Variants in AGBL1 observed in about 807,000 individuals in gnomAD.
The protein encoded by AGBL1 is cytosolic carboxypeptidase 4.
Under a neutral mutation model 118.9 loss-of-function variants are expected in AGBL1, and 130 were observed. That is an observed-to-expected ratio of 1.09 (90% confidence interval 0.95 to 1.26). The LOEUF is 1.26. Ranked by LOEUF, AGBL1 falls within the 50% of genes most tolerant of loss-of-function variation. AGBL1 has a pLI of 0.00. For missense variants in AGBL1, 1,584 were observed against 1,298.1 expected, an observed-to-expected ratio of 1.22 and a Z score of -3.38; for synonymous variants, 555 against 478.9, an observed-to-expected ratio of 1.16 and a Z score of -2.08.
intron 22 of AGBL1, among the ~76,000 whole-genome samples, chr15:86,722,536 C>T (rs1194955952): frequency 6.6e-6 from 1 of 152,092 alleles, no homozygotes; most frequent in Non-Finnish European, 1.5e-5. Flanking sequence ...AAATGTTAGA[C>T]CTAAAACCAT....
intron 18 of AGBL1, among the ~76,000 whole-genome samples, chr15:86,520,175 T>A (rs2083169347): frequency 6.6e-6 from 1 of 152,194 alleles, no homozygotes; most frequent in South Asian, 2.1e-4. Context: ...GTCAAAGTTG[T>A]GCTATGCATC....
chr15:86,963,006 G>A (rs1416637966), intron 23 of AGBL1, among the ~76,000 whole-genome samples: 1 of 152,016 alleles, frequency 6.6e-6, no homozygotes, highest in African/African-American at 2.4e-5. Flanking sequence ...AAAACGTGAC[G>A]ATTAAAACGT....
rs1358267913 is a variant in AGBL1 at position 86,278,322 on chromosome 15, T to C, written c.2076-1317T>C. ...CTTATGTTGTTACAGGGTACCCTCC[T>C]TTCCCTAGCATGACCAAGGCTCCAG... On this transcript the variant is annotated intron_variant, in intron 15 of 22. Transcript: ENST00000614907. Among the ~76,000 whole-genome samples, 4 of 152,182 alleles carry C rather than the reference T, an allele frequency of 2.6e-5. No homozygotes were observed. In the East Asian group the frequency reaches 7.7e-4, roughly 29 times the overall value.
chr15:87,006,077 A>G (rs1181122837), intron 24 of AGBL1, among the ~76,000 whole-genome samples: 2 of 152,292 alleles, frequency 1.3e-5, no homozygotes, highest in East Asian at 3.9e-4. Flanking sequence ...AAGAGTACCC[A>G]GCCGTTTGAG....
At chr15:86,475,264 T>C (rs145125203) in intron 18 of AGBL1, among the ~76,000 whole-genome samples, 1 of 152,148 alleles carries the variant, frequency 6.6e-6, no homozygotes, top group Non-Finnish European at 1.5e-5. Context: ...CTTCAGACGA[T>C]TAAACTTCTC....
At chr15:87,016,730 C>A (rs1408715955) in intron 24 of AGBL1, among the ~76,000 whole-genome samples, 1 of 152,054 alleles carries the variant, frequency 6.6e-6, no homozygotes, top group Non-Finnish European at 1.5e-5. Flanking sequence ...CTAGGAGTGG[C>A]ATAGAGCCAA....
At chr15:86,514,267 C>A (rs2083090372) in intron 18 of AGBL1, among the ~76,000 whole-genome samples, 1 of 151,870 alleles carries the variant, frequency 6.6e-6, no homozygotes, top group Admixed American at 6.6e-5. Context: ...ATTTGTAATT[C>A]CTTTCTGTAA....
chr15:86,795,279 G>A (rs1408020605), intron 22 of AGBL1, among the ~76,000 whole-genome samples: 1 of 152,166 alleles, frequency 6.6e-6, no homozygotes, highest in Admixed American at 6.5e-5. Flanking sequence ...TGCCTGGACG[G>A]AGGCTGATTG....
At chr15:86,167,852 T>G (rs768639825) in intron 5 of AGBL1, among the ~76,000 whole-genome samples, 1 of 152,236 alleles carries the variant, frequency 6.6e-6, no homozygotes, top group Non-Finnish European at 1.5e-5. Flanking sequence ...TAAGTTCAAT[T>G]ATAGTGCTAT....
intron 21 of AGBL1, among the ~76,000 whole-genome samples, chr15:86,576,341 T>C (rs2084091632): frequency 1.3e-5 from 2 of 151,950 alleles, no homozygotes; most frequent in Admixed American, 1.3e-4. Flanking sequence ...CAAACCAGAA[T>C]GGATTCGGAG....
At chr15:86,216,408 C>T (rs939414213) in intron 5 of AGBL1, among the ~76,000 whole-genome samples, 1 of 152,092 alleles carries the variant, frequency 6.6e-6, no homozygotes, top group African/African-American at 2.4e-5. Context: ...TTCTATAGGC[C>T]ACTTTATCAG....
rs562016596 is a variant in AGBL1, at chr15:86,484,785, C to T, written c.2556-38025C>T. 1.2e-4 allele frequency among the ~76,000 whole-genome samples: 19 copies of T among 152,160 alleles called. No homozygotes were observed. The South Asian group carries it at 3.1e-3, about 25-fold the overall frequency. ...CTTCCAAATCTGCAGCTGTATTGTT[C>T]GACTGAGATGAATTCTAGAGAACTG... On this transcript the variant is annotated intron_variant, in intron 18 of 22. Coordinates refer to ENST00000614907, the MANE Select transcript of AGBL1 (RefSeq NM_001386094.1).
chr15:86,770,195 C>A (rs76525362), intron 22 of AGBL1, among the ~76,000 whole-genome samples: 1 of 151,822 alleles, frequency 6.6e-6, no homozygotes, highest in Non-Finnish European at 1.5e-5. Flanking sequence ...ATGTATCTGG[C>A]GCTATAGTTA....
intron 16 of AGBL1, among the ~76,000 whole-genome samples, chr15:86,287,642 A>G (rs1294406471): frequency 6.6e-6 from 1 of 152,178 alleles, no homozygotes; most frequent in Non-Finnish European, 1.5e-5. Context: ...GTCAAAAATC[A>G]ATTGACTATA....
chr15:86,464,004 A>T (rs2082365565), intron 18 of AGBL1, among the ~76,000 whole-genome samples: 1 of 152,162 alleles, frequency 6.6e-6, no homozygotes. Context: ...TGATGGGAAT[A>T]GCATTGAATC....
chr15:86,232,054 G>A (rs896619722), intron 6 of AGBL1, among the ~76,000 whole-genome samples: 3 of 152,184 alleles, frequency 2.0e-5, no homozygotes, highest in Non-Finnish European at 4.4e-5. Flanking sequence ...TGAATGGTGG[G>A]GTGAGAGAGA....
At chr15:86,394,567 CT>C (rs2081335661) in intron 17 of AGBL1, among the ~76,000 whole-genome samples, 1 of 152,130 alleles carries the variant, frequency 6.6e-6, no homozygotes, top group African/African-American at 2.4e-5. Flanking sequence ...TAGTGGTTTA[CT>C]GTTCTCAAAC....
At chr15:86,384,978 C>G (rs2081162460) in intron 17 of AGBL1, among the ~76,000 whole-genome samples, 1 of 152,112 alleles carries the variant, frequency 6.6e-6, no homozygotes, top group African/African-American at 2.4e-5. Flanking sequence ...TTTTACTATT[C>G]AGCGTGGTGA....
At chr15:86,178,269 C>A (rs1029294881) in intron 5 of AGBL1, among the ~76,000 whole-genome samples, 1 of 152,132 alleles carries the variant, frequency 6.6e-6, no homozygotes, top group Non-Finnish European at 1.5e-5. Context: ...GCCAAGGTCA[C>A]ACCACTGCAC....
Sources: allele counts gnomAD v4.1 joint callset (sites outside exome capture counted in the v4.1 genomes callset), GRCh38; gene constraint gnomAD v4.1.1; transcripts MANE v1.5; gene names NCBI Gene and HGNC (gene_info 2026-07-23, HGNC 2026-07-21).